Variants in PPP1R12C observed in about 807,000 individuals in gnomAD.
PPP1R12C encodes protein phosphatase 1 regulatory subunit 12C, also known as leukocyte receptor cluster (LRC) encoded novel gene 3.
In PPP1R12C, 48 loss-of-function variants were observed where a neutral mutation model predicts 95.6. The ratio of observed to expected loss-of-function variants is 0.50; its 90% CI spans 0.40 to 0.64. The LOEUF (loss-of-function observed/expected upper bound fraction) is 0.64. Ranked by LOEUF, PPP1R12C falls within the 30% of genes least tolerant of loss-of-function variation. The pLI, the probability that PPP1R12C is intolerant of heterozygous loss-of-function variation, is 0.00. For missense variants in PPP1R12C, 1,057 were observed against 1,083.3 expected (o/e 0.98, Z 0.34); for synonymous variants, 480 against 460.8 (o/e 1.04, Z -0.53).
intron 3 of PPP1R12C, among the ~76,000 whole-genome samples, chr19:55,104,261 T>A (rs895283075): frequency 7.0e-6 from 1 of 143,472 alleles, no homozygotes; most frequent in African/African-American, 2.6e-5. Context: ...AATATATATA[T>A]AACATATATA....
intron 1 of PPP1R12C, chr19:55,113,728 G>A (rs1467850857): frequency 3.3e-6 from 2 of 605,036 alleles, no homozygotes; most frequent in Non-Finnish European, 4.7e-6. Context: ...AAGAGCATGA[G>A]GTCATGGAAA....
In PPP1R12C at chr19:55,094,589, C is replaced by A; in HGVS notation, c.1592+72G>T. The A allele has an allele frequency of 3.3e-6, 5 of 1,526,820 alleles. No homozygotes were observed. In the South Asian group the frequency reaches 3.7e-5, roughly 11 times the overall value. 94.6% of individuals were successfully genotyped at this position (1,526,820 alleles called of 1,614,324 possible). On this transcript the variant is annotated intron_variant, in intron 12 of 21. Transcript: ENST00000263433. Reference sequence around the variant, plus strand: ...TCCCTCAGGAGCCCACCCAAAGCCCCGGGACTCCTGCTTCACATCGTCTCT... The same window carrying A: ...TCCCTCAGGAGCCCACCCAAAGCCCAGGGACTCCTGCTTCACATCGTCTCT...
At chr19:55,111,369 T>A (rs1214637351) in intron 3 of PPP1R12C, 1 of 152,172 alleles carries the variant, frequency 6.6e-6, no homozygotes, top group Non-Finnish European at 1.5e-5. Flanking sequence ...CACTGGCGAA[T>A]CTTAGTGAAA....
In PPP1R12C at chr19:55,094,620, C is replaced by G. The variant is rs202073659; in HGVS notation, c.1592+41G>C. The G allele has an allele frequency of 8.4e-6, 13 of 1,544,090 alleles. No individual in the cohort carries two copies. In the Admixed American group the frequency reaches 1.2e-4, roughly 14 times the overall value. On this transcript the variant is annotated intron_variant, in intron 12 of 21. Transcript: ENST00000263433. ...TCCTGCTTCACATCGTCTCTCCCTG[C>G]TGGGGGCGGGGGCGGCAGCTTCCTG...
In PPP1R12C at chr19:55,092,284, C is replaced by T. The variant is rs753420266; in HGVS notation, c.2098G>A (p.Ala700Thr). 26 of 1,600,108 alleles carry T rather than the reference C, an allele frequency of 1.6e-5. No homozygotes were observed. The highest frequency in any genetic ancestry group is 2.1e-5 in the Non-Finnish European group (25 of 1,173,878). Residue 700 changes from alanine (A) to threonine (T), a missense_variant, in exon 19 of 22, where the codon GCC becomes ACC. By Grantham distance (58) the Ala-to-Thr change is moderately conservative. Transcript: ENST00000263433. ...LRRENERLREALTETTLRLAQ... is the reference protein window; with the variant it reads ...LRRENERLRETLTETTLRLAQ... ...AGCCGCAGCGTGGTCTCGGTCAGGG[C>T]CTCGCGAAGCCGCTCGTTCTCCCTG...
chr19:55,113,403 G>C lies in PPP1R12C; in HGVS notation c.322-608C>G, dbSNP rs1055987358. On this transcript the variant is annotated intron_variant, in intron 1 of 21. Coordinates refer to ENST00000263433, the MANE Select transcript of PPP1R12C (RefSeq NM_017607.4). ...AGACAGCTGCACACCTGTGTGCCTG[G>C]GCCCCAGGCTGTCACACTCCAGTTC... The C allele has an allele frequency of 4.7e-6, 7 of 1,480,802 alleles. No individual in the cohort carries two copies. In the South Asian group the frequency reaches 8.9e-5, roughly 19 times the overall value. 91.7% of individuals were successfully genotyped at this position (1,480,802 alleles called of 1,614,324 possible).
rs1251824689 is a variant in PPP1R12C at position 55,112,454 on chromosome 19, C to T, written c.571+13G>A. The T allele has an allele frequency of 6.2e-7, 1 of 1,607,444 alleles. No homozygotes were observed. Among genetic ancestry groups the T allele is most frequent in the Non-Finnish European group, 8.5e-7 (1 of 1,178,584 alleles). Reference sequence around the variant, plus strand: ...GGTGTCCCCCACCCCACACACAGCACACCAGAGCCCACCTCGGCGGGCGAT... The same window carrying T: ...GGTGTCCCCCACCCCACACACAGCATACCAGAGCCCACCTCGGCGGGCGAT... On this transcript the variant is annotated intron_variant, in intron 3 of 21. Transcript: ENST00000263433.
Position 55,109,267 on chromosome 19 carries a change from G to T in PPP1R12C, c.571+3200C>A, listed in dbSNP as rs1190152200. On this transcript the variant is annotated intron_variant, in intron 3 of 21. Transcript: ENST00000263433. This position sits in a 1 kb window ranked among gnomAD's most constrained non-coding sequence, Gnocchi z 4.4. ...ACGTGCATTCCCACGCCTGGCTAAT[G>T]TGTTTTGTTTTATAGAGATGGGTTC... Among the ~76,000 whole-genome samples the T allele has an allele frequency of 2.6e-5, 4 of 152,152 alleles. No individual in the cohort carries two copies. In the East Asian group the frequency reaches 7.7e-4, roughly 29 times the overall value.
At position 55,105,263 on chromosome 19, in the gene PPP1R12C, T is replaced by C. The variant is rs145051621; in HGVS notation, c.572-1695A>G. ...AGTCACCAACTGTTCAATCCTATTATAGCCGAATGGGTCTCAATTCAGGGA... is the reference window on the plus strand; with the variant it reads ...AGTCACCAACTGTTCAATCCTATTACAGCCGAATGGGTCTCAATTCAGGGA... On this transcript the variant is annotated intron_variant, in intron 3 of 21. Coordinates refer to ENST00000263433, the MANE Select transcript of PPP1R12C (RefSeq NM_017607.4). Among the ~76,000 whole-genome samples, 146 of 152,290 alleles carry C rather than the reference T, an allele frequency of 9.6e-4. 1 individual carries two copies. In the East Asian group the frequency reaches 0.024, roughly 25 times the overall value.
intron 6 of PPP1R12C, among the ~76,000 whole-genome samples, chr19:55,098,495 G>A (rs1441927989): frequency 6.6e-6 from 1 of 152,250 alleles, no homozygotes; most frequent in Non-Finnish European, 1.5e-5. Flanking sequence ...CCACCCTGAG[G>A]TGATGAGGTG....
intron 3 of PPP1R12C, among the ~76,000 whole-genome samples, chr19:55,106,822 C>T (rs1288694367): frequency 6.6e-6 from 1 of 152,196 alleles, no homozygotes; most frequent in African/African-American, 2.4e-5. Flanking sequence ...AGGGTGCGCA[C>T]ATCACCAGGC....
chr19:55,101,625 G>A (rs1349228427), intron 4 of PPP1R12C, among the ~76,000 whole-genome samples: 6 of 152,204 alleles, frequency 3.9e-5, no homozygotes, highest in Non-Finnish European at 5.9e-5. Flanking sequence ...GGCAGGAGAT[G>A]AAGCCGCCCC....
In PPP1R12C at chr19:55,093,180, T is replaced by C. The variant is rs1208433703; in HGVS notation, c.1737A>G (p.Pro579=). The change falls in exon 14 of 22, where the codon CCA becomes CCG. Residue 579 remains proline (P), a synonymous_variant. Transcript: ENST00000263433. ...KEAEKAAGKA[P]ESEKPAQSLD... ...GGCTCTGCGCCGGCTTCTCTGACTC[T>C]GGGGCCTTCCCTGCAGCCTTCTCTG... The C allele has an allele frequency of 6.2e-7, 1 of 1,613,682 alleles. No individual in the cohort carries two copies. The highest frequency in any genetic ancestry group is 8.5e-7 in the Non-Finnish European group (1 of 1,179,954).
chr19:55,099,640 C>CA (rs1381596286), intron 4 of PPP1R12C, among the ~76,000 whole-genome samples: 2 of 152,228 alleles, frequency 1.3e-5, no homozygotes, highest in Admixed American at 1.3e-4. Context: ...GGGTGGAGGC[C>CA]AGGGAGGCTG....
chr19:55,096,379 G>T (rs528688527), intron 6 of PPP1R12C, 44 bp from the exon 7 acceptor site: 1 of 1,588,692 alleles, frequency 6.3e-7, no homozygotes, highest in African/African-American at 1.3e-5. Context: ...TGGAGCACAC[G>T]TGCCCCACAG....
chr19:55,114,549 C>T (rs2085133627), intron 1 of PPP1R12C: 1 of 152,304 alleles, frequency 6.6e-6, no homozygotes, highest in African/African-American at 2.4e-5. Flanking sequence ...CCAACCATCC[C>T]TGTTTTCCTA....
chr19:55,095,806 G>A (rs778555961), intron 9 of PPP1R12C, 61 bp downstream of exon 9: 39 of 1,575,362 alleles, frequency 2.5e-5, no homozygotes, highest in African/African-American at 8.1e-5. Context: ...TTCACAGGCT[G>A]TATGGAATCC....
intron 1 of PPP1R12C, chr19:55,113,391 C>T: frequency 6.8e-7 from 1 of 1,471,250 alleles, no homozygotes; most frequent in South Asian, 1.3e-5. Flanking sequence ...CAGCTGCACA[C>T]CTGTGTGCCT....
At chr19:55,097,622 A>C (rs2084936461) in intron 6 of PPP1R12C, among the ~76,000 whole-genome samples, 2 of 90,372 alleles carry the variant, frequency 2.2e-5, no homozygotes, top group East Asian at 3.5e-4. Context: ...TTCCCCGCGC[A>C]GTTCACCACC....
Sources: allele counts gnomAD v4.1 joint callset (sites outside exome capture counted in the v4.1 genomes callset), GRCh38; gene constraint gnomAD v4.1.1; non-coding constraint Gnocchi (gnomAD v3.1); transcripts MANE v1.5; gene names NCBI Gene and HGNC (gene_info 2026-07-23, HGNC 2026-07-21).